JAZF1: variants seen among roughly 807,000 people sequenced by gnomAD.
JAZF1 encodes JAZF zinc finger 1.
JAZF1 carries 8 observed loss-of-function variants against 26.4 expected under a neutral mutation model. The ratio of observed to expected loss-of-function variants is 0.30; its 90% CI spans 0.18 to 0.55. JAZF1 has a LOEUF of 0.55. Among genes scored for constraint, JAZF1 ranks in the 20% least tolerant of loss-of-function variants. JAZF1 has a pLI of 0.94. For missense variants in JAZF1, 199 were observed against 322.0 expected (o/e 0.62, Z 2.92); for synonymous variants, 126 against 122.3 (o/e 1.03, Z -0.20).
At chr7:27,990,373 T>C (rs1431502265) in intron 2 of JAZF1, among the ~76,000 whole-genome samples, 1 of 151,828 alleles carries the variant, frequency 6.6e-6, no homozygotes, top group Non-Finnish European at 1.5e-5. Flanking sequence ...ACATGGCACA[T>C]GTATACATAT....
Position 27,953,243 on chromosome 7 carries a change from T to C in JAZF1, c.188+38666A>G, listed in dbSNP as rs188054448. Among the ~76,000 whole-genome samples, 921 of 152,328 alleles carry C rather than the reference T, an allele frequency of 6.0e-3. 34 individuals are homozygous for C. Among genetic ancestry groups the C allele is most frequent in the Admixed American group, 0.046 (708 of 15,302 alleles). ...TTTTAAGCTGTTCTAATCTTACCTG[T>C]AGGTGGATAAATTTTAAGCTTGAAC... is the stretch of plus-strand genomic sequence containing the variant. On this transcript the variant is annotated intron_variant, in intron 2 of 4. Transcript: ENST00000283928.
At chr7:28,174,416 G>A (rs1412235040) in intron 1 of JAZF1, among the ~76,000 whole-genome samples, 1 of 152,202 alleles carries the variant, frequency 6.6e-6, no homozygotes, top group East Asian at 1.9e-4. Flanking sequence ...CCAGCCTTAA[G>A]GTATCCTCAC....
At position 28,084,992 on chromosome 7, in the gene JAZF1, CTG is replaced by C. The variant is rs1182107302; in HGVS notation, c.116-93013_116-93012del. ...TGGCATGTTTGCACACCTCAGGACTCTGTAGAGTCCCCACTTGGAGGAAGGCC... is the reference window on the plus strand; with the variant it reads ...TGGCATGTTTGCACACCTCAGGACTCTAGAGTCCCCACTTGGAGGAAGGCC... On this transcript the variant is annotated intron_variant, in intron 1 of 4. Transcript: ENST00000283928. 9.2e-5 allele frequency among the ~76,000 whole-genome samples: 14 copies of C among 152,316 alleles called. 1 individual carries two copies. The East Asian group carries it at 2.5e-3, about 27-fold the overall frequency.
chr7:28,047,528 C>A (rs1020106717), intron 1 of JAZF1, among the ~76,000 whole-genome samples: 1 of 152,006 alleles, frequency 6.6e-6, no homozygotes, highest in Non-Finnish European at 1.5e-5. Flanking sequence ...ATCTCATAGA[C>A]GTTTTTTGTT....
At chr7:27,946,370 A>T (rs1304049394) in intron 2 of JAZF1, among the ~76,000 whole-genome samples, 1 of 152,264 alleles carries the variant, frequency 6.6e-6, no homozygotes, top group Non-Finnish European at 1.5e-5. Context: ...GATCTATCTA[A>T]TACGCAATCT....
At chr7:27,883,420 A>G (rs1783804741) in intron 3 of JAZF1, among the ~76,000 whole-genome samples, 1 of 152,218 alleles carries the variant, frequency 6.6e-6, no homozygotes, top group South Asian at 2.1e-4. Flanking sequence ...AATAGTAGAG[A>G]TGAAATTCAG....
chr7:28,160,047 G>T (rs1783257669), intron 1 of JAZF1, among the ~76,000 whole-genome samples: 1 of 152,104 alleles, frequency 6.6e-6, no homozygotes, highest in South Asian at 2.1e-4. Flanking sequence ...GGGTGATACT[G>T]CCCTCCAGGT....
At chr7:27,957,537 G>C (rs1303283729) in intron 2 of JAZF1, among the ~76,000 whole-genome samples, 1 of 152,120 alleles carries the variant, frequency 6.6e-6, no homozygotes, top group African/African-American at 2.4e-5. Context: ...AAACTCAAAA[G>C]TACATTCAAA....
chr7:28,129,558 G>A (rs138289754), intron 1 of JAZF1, among the ~76,000 whole-genome samples: 42 of 152,012 alleles, frequency 2.8e-4, no homozygotes, highest in African/African-American at 9.4e-4. Flanking sequence ...AATGAGAGAG[G>A]GCTTTTTAAC....
chr7:28,072,976 TC>T (rs1191510812), intron 1 of JAZF1, among the ~76,000 whole-genome samples: 1 of 152,164 alleles, frequency 6.6e-6, no homozygotes, highest in Non-Finnish European at 1.5e-5. Flanking sequence ...CTCACCTTGT[TC>T]CCCTCCTCCC....
At chr7:28,003,361 G>A (rs1455965015) in intron 1 of JAZF1, among the ~76,000 whole-genome samples, 4 of 152,118 alleles carry the variant, frequency 2.6e-5, no homozygotes, top group Admixed American at 2.6e-4. Context: ...AGAAAGAGGA[G>A]GAAAAAATCA....
At chr7:28,037,105 T>C (rs1411098019) in intron 1 of JAZF1, among the ~76,000 whole-genome samples, 1 of 152,168 alleles carries the variant, frequency 6.6e-6, no homozygotes, top group Non-Finnish European at 1.5e-5. Flanking sequence ...CAGAACTTGC[T>C]TAACTGTCCA....
intron 1 of JAZF1, among the ~76,000 whole-genome samples, chr7:28,165,620 T>C (rs1284086322): frequency 6.6e-6 from 1 of 152,148 alleles, no homozygotes; most frequent in Non-Finnish European, 1.5e-5. Context: ...TCTCAGGCCC[T>C]TGCAGCCTCT....
chr7:27,967,186 CCCT>C, intron 2 of JAZF1, among the ~76,000 whole-genome samples: 1 of 152,244 alleles, frequency 6.6e-6, no homozygotes, highest in South Asian at 2.1e-4. Context: ...ACTAGCTGCA[CCCT>C]CCTCAAGATG....
chr7:28,126,714 A>G (rs1583574793), intron 1 of JAZF1, among the ~76,000 whole-genome samples: 2 of 152,164 alleles, frequency 1.3e-5, no homozygotes, highest in South Asian at 4.2e-4. Flanking sequence ...CAGGGACACA[A>G]GTGTCTCTAG....
intron 1 of JAZF1, among the ~76,000 whole-genome samples, chr7:27,992,874 T>C (rs1468655609): frequency 6.6e-6 from 1 of 152,204 alleles, no homozygotes; most frequent in African/African-American, 2.4e-5. Flanking sequence ...CACTTGGCAG[T>C]AACCCCTTCT....
chr7:28,031,087 T>C (rs148213152), intron 1 of JAZF1, among the ~76,000 whole-genome samples: 1 of 152,192 alleles, frequency 6.6e-6, no homozygotes, highest in African/African-American at 2.4e-5. Context: ...CTACTTAGTA[T>C]ATGGTCTAGC....
At chr7:28,124,464 T>C (rs1782665622) in intron 1 of JAZF1, among the ~76,000 whole-genome samples, 1 of 152,182 alleles carries the variant, frequency 6.6e-6, no homozygotes, top group African/African-American at 2.4e-5. Flanking sequence ...CCCAACCCAC[T>C]CTTCACCATC....
At chr7:28,168,181 G>C (rs890990669) in intron 1 of JAZF1, among the ~76,000 whole-genome samples, 1 of 152,070 alleles carries the variant, frequency 6.6e-6, no homozygotes. Flanking sequence ...AGGAGATCGA[G>C]ACCATCCTGG....
Sources: gnomAD v4.1 joint callset for allele counts (sites outside exome capture counted in the v4.1 genomes callset) on GRCh38, gnomAD v4.1.1 for gene constraint, MANE v1.5 for transcripts, NCBI Gene and HGNC (gene_info 2026-07-23, HGNC 2026-07-21) for gene names.